Variants in SPAG16 observed in about 807,000 individuals in gnomAD.
SPAG16 encodes the protein sperm-associated antigen 16 protein.
SPAG16 carries 86 observed loss-of-function variants against 80.4 expected under a neutral mutation model. The ratio of observed to expected loss-of-function variants is 1.07; its 90% CI spans 0.90 to 1.28. The LOEUF (loss-of-function observed/expected upper bound fraction) is 1.28. Among genes scored for constraint, SPAG16 ranks in the 50% most tolerant of loss-of-function variants. The probability of loss-of-function intolerance (pLI) is 0.00; values close to 1 mark genes in which losing one functional copy is unlikely to be tolerated. For synonymous variants in SPAG16, 294 were observed against 265.9 expected (o/e 1.11, Z -1.03); for missense variants, 870 against 765.3 (o/e 1.14, Z -1.61).
intron 10 of SPAG16, among the ~76,000 whole-genome samples, chr2:213,732,614 G>A (rs953448810): frequency 3.9e-5 from 6 of 152,164 alleles, no homozygotes; most frequent in Admixed American, 2.6e-4. Context: ...AAATGTCATG[G>A]TAGTTTAATG....
intron 13 of SPAG16, among the ~76,000 whole-genome samples, chr2:214,024,240 T>A (rs2048026858): frequency 6.6e-6 from 1 of 151,682 alleles, no homozygotes; most frequent in Admixed American, 6.6e-5. Context: ...AAAATTCATC[T>A]TTTGAGTAGA....
At chr2:213,371,602 G>T (rs2066640297) in intron 8 of SPAG16, among the ~76,000 whole-genome samples, 1 of 151,924 alleles carries the variant, frequency 6.6e-6, no homozygotes, top group Admixed American at 6.6e-5. Flanking sequence ...TTCGGCAGAA[G>T]TTGGCATGTC....
Position 213,761,711 on chromosome 2 carries a change from A to C in SPAG16, c.1071-100774A>C, listed in dbSNP as rs112417589. On this transcript the variant is annotated intron_variant, in intron 10 of 15. Coordinates refer to ENST00000331683, the MANE Select transcript of SPAG16 (RefSeq NM_024532.5). Reference sequence around the variant, plus strand: ...CCATCTGTACTAAAACTACAAAAACAAAAAATTAGCTGGGCGTGGTGGCGG... The same window carrying C: ...CCATCTGTACTAAAACTACAAAAACCAAAAATTAGCTGGGCGTGGTGGCGG... Among the ~76,000 whole-genome samples, 419 of 151,930 alleles carry C rather than the reference A, an allele frequency of 2.8e-3. 6 individuals carry two copies. The highest frequency in any genetic ancestry group is 9.7e-3 in the African/African-American group (403 of 41,442).
intron 15 of SPAG16, among the ~76,000 whole-genome samples, chr2:214,382,904 TA>T (rs34068237): frequency 3.3e-5 from 5 of 152,124 alleles, no homozygotes; most frequent in African/African-American, 1.2e-4. Context: ...AAGCGTTTCA[TA>T]AAGGAGCTCT....
At position 213,944,894 on chromosome 2, in the gene SPAG16, C is replaced by T. The variant is rs190972781; in HGVS notation, c.1400+14749C>T. On this transcript the variant is annotated intron_variant, in intron 12 of 15. Transcript: ENST00000331683. ...ACTAAAAATACAAAAATAAATTAGC[C>T]GGGCGTGGGGGCGTGCACCTGTAAT... 3.9e-5 allele frequency among the ~76,000 whole-genome samples: 6 copies of T among 151,962 alleles called. No homozygotes were observed. The East Asian group carries it at 5.8e-4, about 15-fold the overall frequency.
intron 12 of SPAG16, among the ~76,000 whole-genome samples, chr2:213,967,564 G>A (rs2044769871): frequency 6.6e-6 from 1 of 151,982 alleles, no homozygotes; most frequent in South Asian, 2.1e-4. Context: ...ATTTTAAAGA[G>A]CTCAATACAG....
In SPAG16 at chr2:213,489,951, T is replaced by A; in HGVS notation, c.943-12T>A. 1 of 1,589,954 alleles carries A rather than the reference T, an allele frequency of 6.3e-7. No homozygotes were observed. Among genetic ancestry groups the A allele is most frequent in the East Asian group, 2.3e-5 (1 of 44,168 alleles). On this transcript the variant is annotated splice_polypyrimidine_tract_variant and intron_variant, in intron 9 of 15. Coordinates refer to ENST00000331683, the MANE Select transcript of SPAG16 (RefSeq NM_024532.5). The stretch of plus-strand genomic sequence containing the variant: ...ATTTAACACAGAGCTCTTGTTTAAT[T>A]TTTTTCTCTAGGATTCAGAATTTCC...
intron 13 of SPAG16, among the ~76,000 whole-genome samples, chr2:214,028,585 A>G (rs2125039280): frequency 6.6e-6 from 1 of 152,144 alleles, no homozygotes; most frequent in African/African-American, 2.4e-5. Context: ...AAATGCCTCA[A>G]CCCAAGATTT....
At chr2:213,981,817 C>G (rs984479547) in intron 12 of SPAG16, among the ~76,000 whole-genome samples, 1 of 151,594 alleles carries the variant, frequency 6.6e-6, no homozygotes, top group Non-Finnish European at 1.5e-5. Context: ...TACACACATG[C>G]TTATATATAA....
chr2:213,833,519 A>AT (rs1447882903), intron 10 of SPAG16, among the ~76,000 whole-genome samples: 27 of 5,500 alleles, frequency 4.9e-3, no homozygotes, highest in African/African-American at 7.0e-3. Flanking sequence ...TATAATATAT[A>AT]TAATATATAT....
intron 12 of SPAG16, among the ~76,000 whole-genome samples, chr2:214,011,229 T>C (rs1163709460): frequency 1.4e-5 from 2 of 146,126 alleles, no homozygotes; most frequent in African/African-American, 5.4e-5. Context: ...TATTTCAAGA[T>C]AGTGGGCTTT....
At chr2:213,444,275 A>T (rs1397385408) in intron 9 of SPAG16, among the ~76,000 whole-genome samples, 1 of 152,148 alleles carries the variant, frequency 6.6e-6, no homozygotes, top group Non-Finnish European at 1.5e-5. Flanking sequence ...ATTATAAAAA[A>T]CTGGTCCTGG....
At chr2:213,705,253 TAAGA>T (rs143987348) in intron 10 of SPAG16, among the ~76,000 whole-genome samples, 10,054 of 134,284 alleles carry the variant, frequency 0.075, 1,000 homozygotes, top group African/African-American at 0.25. Context: ...GTCTCAAAAA[TAAGA>T]AAGAAAGAGA....
intron 10 of SPAG16, among the ~76,000 whole-genome samples, chr2:213,737,539 G>T (rs2067341503): frequency 6.7e-6 from 1 of 149,864 alleles, no homozygotes; most frequent in Non-Finnish European, 1.5e-5. Context: ...CTAGGCTGGA[G>T]TGCAGTGGCG....
intron 9 of SPAG16, among the ~76,000 whole-genome samples, chr2:213,437,086 T>C (rs1399942282): frequency 6.6e-6 from 1 of 152,134 alleles, no homozygotes; most frequent in African/African-American, 2.4e-5. Context: ...TAATGTTTTG[T>C]ATTTTTAGCA....
At chr2:214,330,405 GA>G (rs1270587859) in intron 15 of SPAG16, among the ~76,000 whole-genome samples, 1 of 152,138 alleles carries the variant, frequency 6.6e-6, no homozygotes, top group Non-Finnish European at 1.5e-5. Context: ...AATGTTGCAG[GA>G]AAATGAAAGG....
At chr2:213,434,013 C>T (rs377383351) in intron 9 of SPAG16, among the ~76,000 whole-genome samples, 7 of 149,146 alleles carry the variant, frequency 4.7e-5, no homozygotes, top group Non-Finnish European at 1.0e-4. Flanking sequence ...CTCTGCTTCC[C>T]AGGTTCAAGT....
At chr2:214,104,365 T>C (rs145287719) in intron 13 of SPAG16, among the ~76,000 whole-genome samples, 87 of 152,194 alleles carry the variant, frequency 5.7e-4, no homozygotes, top group African/African-American at 2.1e-3. Context: ...CGTGACATGG[T>C]CTGATTCAGC....
At chr2:213,478,378 T>C (rs2073546433) in intron 9 of SPAG16, among the ~76,000 whole-genome samples, 1 of 152,202 alleles carries the variant, frequency 6.6e-6, no homozygotes, top group South Asian at 2.1e-4. Flanking sequence ...TAAGTCTAGC[T>C]AGCAAAATAA....
Sources: allele counts gnomAD v4.1 joint callset (sites outside exome capture counted in the v4.1 genomes callset), GRCh38; gene constraint gnomAD v4.1.1; transcripts MANE v1.5; gene names NCBI Gene and HGNC (gene_info 2026-07-23, HGNC 2026-07-21).